The following LONP2 variants were observed in gnomAD, a reference collection of about 807,000 sequenced individuals.
LONP2 encodes lon peptidase 2, peroxisomal.
LONP2 carries 60 observed loss-of-function variants against 85.6 expected under a neutral mutation model. That is an observed-to-expected ratio of 0.70 (90% CI 0.57 to 0.87). The LOEUF (loss-of-function observed/expected upper bound fraction) is 0.87. Among genes scored for constraint, LONP2 ranks in the 40% least tolerant of loss-of-function variants. LONP2 has a pLI of 0.00. For missense variants in LONP2, 860 were observed against 1,063.5 expected, an observed-to-expected ratio of 0.81 and a Z score of 2.66; for synonymous variants, 395 against 389.7, an observed-to-expected ratio of 1.01 and a Z score of -0.16.
Position 48,347,551 on chromosome 16 carries a change from T to C in LONP2, c.1983T>C (p.Ala661=), listed in dbSNP as rs755553377. ...LSQPGVAIGL[A]WTPLGGEIMF... is the part of the protein sequence containing the mutation. ...AGCCAGGAGTAGCAATAGGTTTGGCTTGGACTCCCTTAGGTGGAGAAATCA... is the reference window on the plus strand; with the variant it reads ...AGCCAGGAGTAGCAATAGGTTTGGCCTGGACTCCCTTAGGTGGAGAAATCA... The change falls in exon 13 of 15, where the codon GCT becomes GCC. Residue 661 remains alanine (A), a synonymous_variant. Transcript: ENST00000285737. 6 of 1,614,254 alleles carry C rather than the reference T, an allele frequency of 3.7e-6. No homozygotes were observed. Among genetic ancestry groups the C allele is most frequent in the African/African-American group, 1.3e-5 (1 of 75,072 alleles).
intron 12 of LONP2, chr16:48,344,303 G>T (rs1959901069): frequency 6.6e-6 from 1 of 152,152 alleles, no homozygotes. Context: ...TAGGTCCTTT[G>T]CTTCTTAGAT....
chr16:48,319,767 A>C (rs1030646788), intron 11 of LONP2, among the ~76,000 whole-genome samples: 2 of 152,190 alleles, frequency 1.3e-5, no homozygotes, highest in African/African-American at 4.8e-5. Flanking sequence ...CACACAGCCC[A>C]ACCCTGGTAT....
chr16:48,332,610 T>C (rs112206229), intron 11 of LONP2, among the ~76,000 whole-genome samples: 6 of 149,826 alleles, frequency 4.0e-5, no homozygotes, highest in African/African-American at 1.2e-4. Context: ...TACAGGGAGG[T>C]TGAGCCAGGA....
chr16:48,291,517 A>C (rs1388191782), intron 8 of LONP2, among the ~76,000 whole-genome samples: 2 of 152,244 alleles, frequency 1.3e-5, no homozygotes, highest in Non-Finnish European at 2.9e-5. Context: ...GTGACTTCAC[A>C]TTCCTAGGAA....
intron 9 of LONP2, 69 bp from the exon 10 acceptor site, chr16:48,299,593 A>G (rs1268551897): frequency 6.5e-7 from 1 of 1,538,150 alleles, no homozygotes; most frequent in East Asian, 2.3e-5. Flanking sequence ...AAAAAAAAAA[A>G]CAAAAAACAA....
intron 4 of LONP2, among the ~76,000 whole-genome samples, chr16:48,260,061 T>C (rs1480555982): frequency 6.6e-6 from 1 of 152,212 alleles, no homozygotes; most frequent in African/African-American, 2.4e-5. Context: ...GAAAAATGCA[T>C]TAAAAAGTGC....
At chr16:48,345,797 C>G (rs1959944798) in intron 12 of LONP2, 2 of 152,228 alleles carry the variant, frequency 1.3e-5, no homozygotes, top group Non-Finnish European at 2.9e-5. Flanking sequence ...GTAATCCCAG[C>G]ACTTTGGGAG....
intron 7 of LONP2, among the ~76,000 whole-genome samples, chr16:48,272,691 T>G (rs1442525352): frequency 2.6e-5 from 4 of 152,192 alleles, no homozygotes; most frequent in Admixed American, 2.0e-4. Flanking sequence ...TCAGCCTGAT[T>G]TTAGATACAC....
chr16:48,282,392 CAG>C (rs1972348657), intron 8 of LONP2, among the ~76,000 whole-genome samples: 1 of 125,686 alleles, frequency 8.0e-6, no homozygotes, highest in South Asian at 2.4e-4. Flanking sequence ...GCCTGGGTGA[CAG>C]AGCAAGACTC....
chr16:48,282,479 A>AT (rs1972352264), intron 8 of LONP2, among the ~76,000 whole-genome samples: 1 of 151,530 alleles, frequency 6.6e-6, no homozygotes, highest in Non-Finnish European at 1.5e-5. Flanking sequence ...TGTTGACACC[A>AT]TTTTTCCAAC....
chr16:48,267,607 CTTTG>C (rs374338875), intron 6 of LONP2, among the ~76,000 whole-genome samples: 18 of 151,624 alleles, frequency 1.2e-4, no homozygotes, highest in African/African-American at 1.9e-4. Flanking sequence ...GCCTAAATAT[CTTTG>C]TTTGTTTGTT....
chr16:48,300,452 A>G (rs994250106), intron 10 of LONP2, among the ~76,000 whole-genome samples: 1 of 152,226 alleles, frequency 6.6e-6, no homozygotes, highest in African/African-American at 2.4e-5. Flanking sequence ...TTGAGAATTT[A>G]TATCCACCAC....
chr16:48,263,366 T>C (rs1971918405), intron 6 of LONP2, among the ~76,000 whole-genome samples: 1 of 152,228 alleles, frequency 6.6e-6, no homozygotes, highest in Non-Finnish European at 1.5e-5. Context: ...TCTCATCCTG[T>C]GGCAACTACT....
rs1331094402 is a variant in LONP2 at position 48,244,628 on chromosome 16, C to G, written c.233+7C>G. ...ACCTGCCGCCGCTGCACAGGTAGGC[C>G]TGGCTGCCCCCGCGGCGGCGGCGGG... On this transcript the variant is annotated splice_region_variant and intron_variant, in intron 1 of 14. Coordinates refer to ENST00000285737, the MANE Select transcript of LONP2 (RefSeq NM_031490.5). 16 of 1,361,596 alleles carry G rather than the reference C, an allele frequency of 1.2e-5. No individual in the cohort carries two copies. In the Admixed American group the frequency reaches 1.2e-4, roughly 10 times the overall value. The allele number at this position is 1,361,596 out of a possible 1,614,324, so 84.3% of individuals were successfully genotyped here. A position where few individuals can be genotyped will look rare whatever the true frequency, so the allele number is the denominator to read the frequency against.
At chr16:48,266,490 G>A (rs1971993148) in intron 6 of LONP2, among the ~76,000 whole-genome samples, 1 of 151,918 alleles carries the variant, frequency 6.6e-6, no homozygotes, top group African/African-American at 2.4e-5. Flanking sequence ...GTTTCTTCAT[G>A]CTCTTTGATA....
At chr16:48,266,919 C>T (rs1010637730) in intron 6 of LONP2, among the ~76,000 whole-genome samples, 1 of 151,396 alleles carries the variant, frequency 6.6e-6, no homozygotes, top group African/African-American at 2.4e-5. Context: ...AGGAAGACCC[C>T]AACTCTATTT....
chr16:48,357,175 G>A lies in LONP2; in HGVS notation c.*5373G>A, dbSNP rs903417849. On this transcript the variant is annotated 3_prime_UTR_variant, in exon 15 of 15. Coordinates refer to ENST00000285737, the MANE Select transcript of LONP2 (RefSeq NM_031490.5). ...GTGGACATCATACCCTTTTGTGGAGGAGGGACCAGGCAGAGAAGGTATTTA... is the reference window on the plus strand; with the variant it reads ...GTGGACATCATACCCTTTTGTGGAGAAGGGACCAGGCAGAGAAGGTATTTA... The A allele has an allele frequency of 1.3e-5, 2 of 152,180 alleles. No homozygotes were observed. Among genetic ancestry groups the A allele is most frequent in the Non-Finnish European group, 2.9e-5 (2 of 68,048 alleles). 9.4% of individuals were successfully genotyped at this position (152,180 alleles called of 1,614,324 possible). A position where few individuals can be genotyped will look rare whatever the true frequency, so the allele number is the denominator to read the frequency against.
chr16:48,309,286 A>C (rs111432520), intron 11 of LONP2, among the ~76,000 whole-genome samples: 2,570 of 152,330 alleles, frequency 0.017, 59 homozygotes, highest in African/African-American at 0.057. Context: ...CAGCAATCCC[A>C]CTACTGGGTA....
At chr16:48,272,091 G>T (rs188209535) in intron 7 of LONP2, among the ~76,000 whole-genome samples, 4 of 152,132 alleles carry the variant, frequency 2.6e-5, no homozygotes, top group African/African-American at 9.6e-5. Context: ...TTTTCACATT[G>T]GTATTGATTA....
Sources: allele counts gnomAD v4.1 joint callset (sites outside exome capture counted in the v4.1 genomes callset), GRCh38; gene constraint gnomAD v4.1.1; transcripts MANE v1.5; gene names NCBI Gene and HGNC (gene_info 2026-07-23, HGNC 2026-07-21).